MTMR11: variants seen among roughly 807,000 people sequenced by gnomAD.
MTMR11 encodes the protein myotubularin related protein 11.
In MTMR11, 89 loss-of-function variants were observed where a neutral mutation model predicts 100.0. That is an observed-to-expected ratio of 0.89 (90% confidence interval 0.75 to 1.06). The LOEUF (loss-of-function observed/expected upper bound fraction) is 1.06, where lower values mean the gene tolerates loss of function less well. Ranked by LOEUF, MTMR11 falls within the 50% of genes least tolerant of loss-of-function variation. The pLI, the probability that MTMR11 is intolerant of heterozygous loss-of-function variation, is 0.00. For synonymous variants in MTMR11, 336 were observed against 326.3 expected, an observed-to-expected ratio of 1.03 and a Z score of -0.32; for missense variants, 809 against 873.7, an observed-to-expected ratio of 0.93 and a Z score of 0.93.
In MTMR11 at chr1:149,928,751, G is replaced by T. The variant is rs2092613936; in HGVS notation, c.*378C>A. ...TTCCTGTATCCGCCTCATTCCCATAGAAAACTATAAGGGAAGAAATAGAAC... is the reference window on the plus strand; with the variant it reads ...TTCCTGTATCCGCCTCATTCCCATATAAAACTATAAGGGAAGAAATAGAAC... On this transcript the variant is annotated 3_prime_UTR_variant, in exon 17 of 17. Transcript: ENST00000439741. 9.6e-7 allele frequency: 1 copy of T among 1,045,978 alleles called. No homozygotes were observed. The highest frequency in any genetic ancestry group is 1.6e-5 in the African/African-American group (1 of 62,730). The allele number at this position is 1,045,978 out of a possible 1,614,324, so 64.8% of individuals were successfully genotyped here. A position where few individuals can be genotyped will look rare whatever the true frequency, so the allele number is the denominator to read the frequency against.
chr1:149,929,116 A>G lies in MTMR11; in HGVS notation c.*13T>C, dbSNP rs1204577918. The stretch of plus-strand genomic sequence containing the variant: ...TACAAAAAAAAAAAAAAAAGATTAG[A>G]CAGAACCCTCCTCTACCCCAGATCC... On this transcript the variant is annotated 3_prime_UTR_variant, in exon 17 of 17. Coordinates refer to ENST00000439741, the MANE Select transcript of MTMR11 (RefSeq NM_001145862.2). The G allele has an allele frequency of 6.3e-7, 1 of 1,589,252 alleles. No homozygotes were observed. The highest frequency in any genetic ancestry group is 8.5e-7 in the Non-Finnish European group (1 of 1,170,098).
intron 16 of MTMR11, 149 bp downstream of exon 16, chr1:149,929,474 A>G (rs1205750206): frequency 1.6e-5 from 19 of 1,216,896 alleles, no homozygotes; most frequent in East Asian, 2.3e-5. Flanking sequence ...CACCTCCTAC[A>G]CTCCCAAACC....
chr1:149,928,845 A>G lies in MTMR11; in HGVS notation c.*284T>C, dbSNP rs1406092763. ...TAGGCCATCTTGTTGGGACTGATGA[A>G]CAGCATCTCTGATCTCATGATTTAA... On this transcript the variant is annotated 3_prime_UTR_variant, in exon 17 of 17. Coordinates refer to ENST00000439741, the MANE Select transcript of MTMR11 (RefSeq NM_001145862.2). 1 of 1,606,000 alleles carries G rather than the reference A, an allele frequency of 6.2e-7. No homozygotes were observed. The highest frequency in any genetic ancestry group is 2.2e-5 in the East Asian group (1 of 44,860).
rs782381014 is a variant in MTMR11, at chr1:149,933,407, A to C, written c.984T>G (p.Pro328=). ...AHLRLRALCL[P]DSSVAEDKWL... ...TTAGGGGTCAAAGGTTATTCTCACCAGGCAGGCAGAGGGCCCTCAGCCTCA... is the reference window on the plus strand; with the variant it reads ...TTAGGGGTCAAAGGTTATTCTCACCCGGCAGGCAGAGGGCCCTCAGCCTCA... Residue 328 remains proline, a splice_region_variant and synonymous_variant, in exon 10 of 17, where the codon CCT becomes CCG. Coordinates refer to ENST00000439741, the MANE Select transcript of MTMR11 (RefSeq NM_001145862.2). 1 of 1,614,166 alleles carries C rather than the reference A, an allele frequency of 6.2e-7. No homozygotes were observed. Among genetic ancestry groups the C allele is most frequent in the Admixed American group, 1.7e-5 (1 of 60,014 alleles).
chr1:149,934,136 AGGAACTAAG>A, intron 7 of MTMR11, 46 bp downstream of exon 7: 1 of 1,611,074 alleles, frequency 6.2e-7, no homozygotes, highest in Non-Finnish European at 8.5e-7. Flanking sequence ...TAGAGGATCA[AGGAACTAAG>A]GGAAGATTGG....
At chr1:149,931,224 TA>T in intron 13 of MTMR11, 35 bp downstream of exon 13, 1 of 1,612,152 alleles carries the variant, frequency 6.2e-7, no homozygotes, top group Middle Eastern at 1.7e-4. Flanking sequence ...ACTTCCTTAG[TA>T]ATATGCCCCC....
At chr1:149,929,374 C>G (rs367555189) in intron 16 of MTMR11, 57 bp from the exon 17 acceptor site, 4 of 1,464,122 alleles carry the variant, frequency 2.7e-6, no homozygotes. Flanking sequence ...TGGCCCCCTG[C>G]TTCTCTGCTA....
intron 1 of MTMR11, 101 bp downstream of exon 1, chr1:149,936,481 C>T (rs2092724005): frequency 1.2e-5 from 14 of 1,199,812 alleles, no homozygotes; most frequent in Non-Finnish European, 1.5e-5. Flanking sequence ...GACAGACACA[C>T]CCTCCTCCTC....
chr1:149,935,908 A>G (rs2092715537), intron 2 of MTMR11, among the ~76,000 whole-genome samples: 1 of 152,238 alleles, frequency 6.6e-6, no homozygotes, highest in Non-Finnish European at 1.5e-5. Flanking sequence ...GGCCTGGCAC[A>G]TAGCAGGCAC....
chr1:149,928,827 T>A lies in MTMR11; in HGVS notation c.*302A>T. Reference sequence around the variant, plus strand: ...AGGTGAGAATGCGATTTCTAGGCCATCTTGTTGGGACTGATGAACAGCATC... The same window carrying A: ...AGGTGAGAATGCGATTTCTAGGCCAACTTGTTGGGACTGATGAACAGCATC... On this transcript the variant is annotated 3_prime_UTR_variant, in exon 17 of 17. Transcript: ENST00000439741. The A allele has an allele frequency of 6.3e-7, 1 of 1,580,504 alleles. No homozygotes were observed. The highest frequency in any genetic ancestry group is 8.7e-7 in the Non-Finnish European group (1 of 1,149,692).
Position 149,929,078 on chromosome 1 carries a change from C to T in MTMR11, c.*51G>A. On this transcript the variant is annotated 3_prime_UTR_variant, in exon 17 of 17. Transcript: ENST00000439741. ...AAGGGCTGAAGTGTGAAAGCTGAGG[C>T]TGCAAGTGCAGATACAAAAAAAAAA... 6.4e-7 allele frequency: 1 copy of T among 1,562,596 alleles called. No individual in the cohort carries two copies. The highest frequency in any genetic ancestry group is 1.2e-5 in the South Asian group (1 of 82,844).
chr1:149,934,835 A>C (rs2092703057), intron 5 of MTMR11, 151 bp downstream of exon 5: 1 of 1,022,492 alleles, frequency 9.8e-7, no homozygotes. Context: ...CTCATCACGC[A>C]ATCATTTATC....
In MTMR11 at chr1:149,929,247, T is replaced by C. The variant is rs782361150; in HGVS notation, c.2012A>G (p.Lys671Arg). 3.7e-6 allele frequency: 6 copies of C among 1,614,176 alleles called. No individual in the cohort carries two copies. Among genetic ancestry groups the C allele is most frequent in the Non-Finnish European group, 5.1e-6 (6 of 1,180,014 alleles). Residue 671 changes from lysine to arginine, a missense_variant, in exon 17 of 17, where the codon AAA (lysine) becomes AGA (arginine). Coordinates refer to ENST00000439741, the MANE Select transcript of MTMR11 (RefSeq NM_001145862.2). ...ELSHLQELLR[K>R]WTPRISPEDH... is the part of the protein sequence containing the mutation. ...CTCAGGAGATATTCTTGGTGTCCAT[T>C]TCCGTAATAACTCCTGAAGATGGGA...
chr1:149,931,153 C>G (rs6693649), intron 13 of MTMR11, 107 bp downstream of exon 13: 12 of 1,493,922 alleles, frequency 8.0e-6, no homozygotes, highest in Non-Finnish European at 1.0e-5. Context: ...AGCCTAACCT[C>G]GGGGCCCTTC....
At chr1:149,931,923 G>C in intron 12 of MTMR11, 21 bp downstream of exon 12, 1 of 1,593,144 alleles carries the variant, frequency 6.3e-7, no homozygotes, top group Non-Finnish European at 8.6e-7. Context: ...GGAATGGAAT[G>C]GGCTTAACCA....
chr1:149,932,117 C>T (rs2092668136), intron 11 of MTMR11, 103 bp from the exon 12 acceptor site: 2 of 1,378,848 alleles, frequency 1.5e-6, no homozygotes, highest in Non-Finnish European at 2.1e-6. Flanking sequence ...CCAAATCCTA[C>T]CCCTCCTCCT....
chr1:149,931,717 G>C, intron 12 of MTMR11: 1 of 580,430 alleles, frequency 1.7e-6, no homozygotes, highest in Non-Finnish European at 3.0e-6. Flanking sequence ...GTCTCCATCC[G>C]CTGATGGAAG....
At chr1:149,934,034 T>C in intron 7 of MTMR11, 92 bp from the exon 8 acceptor site, 1 of 1,541,296 alleles carries the variant, frequency 6.5e-7, no homozygotes. Flanking sequence ...GAGGGACCAT[T>C]CCAAGGGATT....
chr1:149,931,139 T>C, intron 13 of MTMR11, 121 bp downstream of exon 13: 1 of 1,441,224 alleles, frequency 6.9e-7, no homozygotes, highest in East Asian at 2.4e-5. Context: ...AGGATCTTCG[T>C]CCCAGCCTAA....
Sources: gnomAD v4.1 joint callset for allele counts (sites outside exome capture counted in the v4.1 genomes callset) on GRCh38, gnomAD v4.1.1 for gene constraint, MANE v1.5 for transcripts, NCBI Gene and HGNC (gene_info 2026-07-23, HGNC 2026-07-21) for gene names.